The following SGCD variants were observed in gnomAD, a reference collection of about 807,000 sequenced individuals.
SGCD encodes the protein sarcoglycan delta, also known as delta-sarcoglycan.
In SGCD, 18 loss-of-function variants were observed where a neutral mutation model predicts 36.6. The observed-to-expected ratio is 0.49, with a 90% CI of 0.34 to 0.73. The LOEUF is 0.73. Among genes scored for constraint, SGCD ranks in the 30% least tolerant of loss-of-function variants. The pLI, the probability that SGCD is intolerant of heterozygous loss-of-function variation, is 0.01. For missense variants in SGCD, 387 were observed against 346.7 expected (o/e 1.12, Z -0.92); for synonymous variants, 133 against 130.6 (o/e 1.02, Z -0.12).
chr5:156,358,085 A>ATGTTAAGTAACC (rs1425521618), intron 3 of SGCD, among the ~76,000 whole-genome samples: 23 of 152,224 alleles, frequency 1.5e-4, no homozygotes, highest in African/African-American at 5.5e-4. Context: ...GTCATCTGCC[A>ATGTTAAGTAACC]TGTTAAGTAA....
At position 156,245,160 on chromosome 5, in the gene SGCD, G is replaced by A. The variant is rs1356311583; in HGVS notation, c.-43-84374G>A. Reference sequence around the variant, plus strand: ...ACAGAAAAAAGGACACCCTTTCATAGTCTTCTCTCTGGCATTTATTTTACG... The same window carrying A: ...ACAGAAAAAAGGACACCCTTTCATAATCTTCTCTCTGGCATTTATTTTACG... On this transcript the variant is annotated intron_variant, in intron 3 of 9. Transcript: ENST00000517913. Among the ~76,000 whole-genome samples the A allele has an allele frequency of 2.0e-5, 3 of 152,154 alleles. No homozygotes were observed. In the East Asian group the frequency reaches 5.8e-4, roughly 29 times the overall value.
chr5:155,754,877 T>G, the SGCD span, among the ~76,000 whole-genome samples: 2 of 152,286 alleles, frequency 1.3e-5, no homozygotes, highest in South Asian at 4.1e-4. Flanking sequence ...TGTTTAAAAT[T>G]CTCCCTTAAC....
rs530009333 is a variant in SGCD at position 156,570,051 on chromosome 5, T to A, written c.295-19180T>A. On this transcript the variant is annotated intron_variant, in intron 4 of 8. Transcript: ENST00000337851. ...TTGAATTTGAAAAGGATTACCTGAC[T>A]GCTCTGAGGATAATAGAATTTAGGA... is the stretch of plus-strand genomic sequence containing the variant. Among the ~76,000 whole-genome samples, 5 of 152,300 alleles carry A rather than the reference T, an allele frequency of 3.3e-5. No individual in the cohort carries two copies. The East Asian group carries it at 9.6e-4, about 29-fold the overall frequency.
chr5:156,647,392 C>G (rs1394893903), intron 6 of SGCD, 72 bp from the exon 7 acceptor site: 25 of 981,282 alleles, frequency 2.5e-5, no homozygotes, highest in Non-Finnish European at 3.5e-5. Flanking sequence ...TAGCTCCAAT[C>G]AGTGTGCTGA....
chr5:155,752,259 A>G, the SGCD span, among the ~76,000 whole-genome samples: 1 of 152,198 alleles, frequency 6.6e-6, no homozygotes, highest in African/African-American at 2.4e-5. Flanking sequence ...TGATCAGTGC[A>G]TGCTAGAACT....
chr5:155,944,778 A>G (rs2113417688), intron 1 of SGCD, among the ~76,000 whole-genome samples: 1 of 152,288 alleles, frequency 6.6e-6, no homozygotes, highest in African/African-American at 2.4e-5. Context: ...TTTGTTTCCA[A>G]CTTCGGGTCA....
chr5:156,673,364 A>G (rs1753380865), intron 7 of SGCD, among the ~76,000 whole-genome samples: 1 of 152,194 alleles, frequency 6.6e-6, no homozygotes, highest in African/African-American at 2.4e-5. Context: ...TGGGCTGTGC[A>G]ATAGTCACGC....
At chr5:156,339,104 A>G (rs1378268874) in intron 2 of SGCD, among the ~76,000 whole-genome samples, 2 of 152,200 alleles carry the variant, frequency 1.3e-5, no homozygotes, top group African/African-American at 4.8e-5. Context: ...CTCTACATCT[A>G]AAATATTTGA....
Position 156,461,586 on chromosome 5 carries a change from A to G in SGCD, c.193-47015A>G, listed in dbSNP as rs571380797. Among the ~76,000 whole-genome samples the G allele has an allele frequency of 2.0e-5, 3 of 152,166 alleles. No homozygotes were observed. In the South Asian group the frequency reaches 6.2e-4, roughly 32 times the overall value. ...TATATAAAATATTGTTAATAAATTCATTTTTGCCATGGATTTTCACTCTTT... is the reference window on the plus strand; with the variant it reads ...TATATAAAATATTGTTAATAAATTCGTTTTTGCCATGGATTTTCACTCTTT... On this transcript the variant is annotated intron_variant, in intron 3 of 8. Coordinates refer to ENST00000337851, the MANE Select transcript of SGCD (RefSeq NM_000337.6).
At chr5:155,962,974 CA>C (rs1259913558) in intron 1 of SGCD, among the ~76,000 whole-genome samples, 1 of 152,086 alleles carries the variant, frequency 6.6e-6, no homozygotes, top group South Asian at 2.1e-4. Flanking sequence ...TTTTGAGGCA[CA>C]AAAGAAAATC....
At chr5:156,657,791 A>G (rs1763753517) in intron 7 of SGCD, among the ~76,000 whole-genome samples, 1 of 147,538 alleles carries the variant, frequency 6.8e-6, no homozygotes, top group African/African-American at 2.5e-5. Context: ...ACACAGAGAC[A>G]AAGTATAGAG....
At chr5:156,481,102 TG>T (rs1212560007) in intron 3 of SGCD, among the ~76,000 whole-genome samples, 4 of 152,302 alleles carry the variant, frequency 2.6e-5, no homozygotes, top group African/African-American at 9.6e-5. Flanking sequence ...TCCATAATGT[TG>T]GGGTAAAGAT....
chr5:156,236,412 A>G (rs1271789253), intron 3 of SGCD, among the ~76,000 whole-genome samples: 1 of 152,094 alleles, frequency 6.6e-6, no homozygotes, highest in African/African-American at 2.4e-5. Context: ...CAACTGAAAC[A>G]TACAACTGAA....
At chr5:155,976,325 G>C (rs1010221940) in intron 1 of SGCD, among the ~76,000 whole-genome samples, 3 of 152,100 alleles carry the variant, frequency 2.0e-5, no homozygotes, top group Non-Finnish European at 4.4e-5. Flanking sequence ...ACATATTTTG[G>C]ATGTTTGAAA....
intron 6 of SGCD, among the ~76,000 whole-genome samples, chr5:156,621,618 A>G (rs1213169885): frequency 2.0e-5 from 3 of 152,230 alleles, no homozygotes; most frequent in African/African-American, 7.2e-5. Context: ...AGGGAAGCCT[A>G]CCTGAAAGAA....
chr5:156,482,467 C>T (rs143934503), intron 3 of SGCD, among the ~76,000 whole-genome samples: 3 of 152,238 alleles, frequency 2.0e-5, no homozygotes, highest in African/African-American at 7.2e-5. Context: ...ACTATAACTT[C>T]GTTTTTTTCT....
At chr5:156,575,224 A>G (rs547189795) in intron 4 of SGCD, among the ~76,000 whole-genome samples, 1 of 152,300 alleles carries the variant, frequency 6.6e-6, no homozygotes, top group East Asian at 1.9e-4. Context: ...TAATGCTTTA[A>G]TATTGGAATG....
At chr5:156,292,213 T>C (rs1057411545) in intron 3 of SGCD, among the ~76,000 whole-genome samples, 19 of 152,234 alleles carry the variant, frequency 1.2e-4, no homozygotes, top group Middle Eastern at 3.4e-3. Flanking sequence ...AAAGCATTAC[T>C]ACCACTTGTC....
chr5:156,475,444 T>A (rs1169867034), intron 3 of SGCD, among the ~76,000 whole-genome samples: 1 of 152,170 alleles, frequency 6.6e-6, no homozygotes, highest in Non-Finnish European at 1.5e-5. Context: ...AGAAAAAGTA[T>A]CTGCAATTCT....
Sources: allele counts gnomAD v4.1 joint callset (sites outside exome capture counted in the v4.1 genomes callset), GRCh38; gene constraint gnomAD v4.1.1; transcripts MANE v1.5; gene names NCBI Gene and HGNC (gene_info 2026-07-23, HGNC 2026-07-21).